Variants in COL11A1 observed in about 807,000 individuals in gnomAD.
The protein encoded by COL11A1 is collagen type XI alpha 1 chain.
Under a neutral mutation model 265.2 loss-of-function variants are expected in COL11A1, and 74 were observed. The ratio of observed to expected loss-of-function variants is 0.28; its 90% CI spans 0.23 to 0.34. The LOEUF (loss-of-function observed/expected upper bound fraction) is 0.34, where lower values mean the gene tolerates loss of function less well. COL11A1 is among the 10% of genes least tolerant of loss of function. The probability of loss-of-function intolerance (pLI) is 1.00; values close to 1 mark genes in which losing one functional copy is unlikely to be tolerated. For missense variants in COL11A1, 2,165 were observed against 2,263.6 expected, an observed-to-expected ratio of 0.96 and a Z score of 0.88; for synonymous variants, 816 against 727.6, an observed-to-expected ratio of 1.12 and a Z score of -1.96.
intron 1 of COL11A1, among the ~76,000 whole-genome samples, chr1:103,099,038 C>T (rs1301756321): frequency 6.6e-6 from 1 of 151,726 alleles, no homozygotes; most frequent in African/African-American, 2.4e-5. Flanking sequence ...AAGTCATTAG[C>T]AATGTCAACA....
chr1:103,023,576 C>A (rs12728819), intron 7 of COL11A1, among the ~76,000 whole-genome samples: 12,014 of 151,924 alleles, frequency 0.079, 529 homozygotes, highest in Middle Eastern at 0.15. Context: ...AGGCTGGTCT[C>A]GAACTCCCGA....
chr1:102,927,128 T>A lies in COL11A1; in HGVS notation c.3601-3739A>T, dbSNP rs527412797. Among the ~76,000 whole-genome samples the A allele has an allele frequency of 1.1e-3, 161 of 152,220 alleles. 1 individual carries two copies. In the Middle Eastern group the frequency reaches 0.014, roughly 13 times the overall value. On this transcript the variant is annotated intron_variant, in intron 46 of 66. Coordinates refer to ENST00000370096, the MANE Select transcript of COL11A1 (RefSeq NM_001854.4). ...TAATATCAACACAGTAATTTTATAA[T>A]CATATTTATAAAAATAAAGATACAA...
chr1:102,994,692 TTATGC>T (rs952748623), intron 28 of COL11A1, among the ~76,000 whole-genome samples: 5 of 152,112 alleles, frequency 3.3e-5, no homozygotes, highest in Admixed American at 6.6e-5. Flanking sequence ...CTACCAATAT[TTATGC>T]TATGCAACTA....
chr1:102,902,827 CATAT>C (rs538504752), intron 54 of COL11A1, among the ~76,000 whole-genome samples: 2 of 148,504 alleles, frequency 1.3e-5, no homozygotes, highest in South Asian at 2.1e-4. Flanking sequence ...TATGTGTGTG[CATAT>C]ATATATATAC....
chr1:102,982,318 A>G (rs1663116379), intron 31 of COL11A1, among the ~76,000 whole-genome samples: 1 of 152,060 alleles, frequency 6.6e-6, no homozygotes, highest in African/African-American at 2.4e-5. Flanking sequence ...AAATAAATTC[A>G]TAAAATAAAA....
At chr1:102,902,429 C>G (rs1329097718) in intron 54 of COL11A1, among the ~76,000 whole-genome samples, 2 of 152,000 alleles carry the variant, frequency 1.3e-5, no homozygotes, top group South Asian at 2.1e-4. Flanking sequence ...GTTAAATGAA[C>G]AAGAATTTTT....
At chr1:103,078,624 C>T (rs1224773414) in intron 3 of COL11A1, 34 bp downstream of exon 3, 2 of 1,577,026 alleles carry the variant, frequency 1.3e-6, no homozygotes, top group South Asian at 1.1e-5. Flanking sequence ...ATGATTTTGG[C>T]ATAGCTAAAA....
chr1:102,988,765 A>T (rs928394388), intron 29 of COL11A1, among the ~76,000 whole-genome samples: 2 of 152,110 alleles, frequency 1.3e-5, no homozygotes, highest in African/African-American at 2.4e-5. Flanking sequence ...AATAATAAAG[A>T]TTGTTCAGCA....
chr1:102,927,753 C>T (rs976964960), intron 46 of COL11A1, among the ~76,000 whole-genome samples: 2 of 152,094 alleles, frequency 1.3e-5, no homozygotes, highest in African/African-American at 2.4e-5. Flanking sequence ...TAGTGTTCTA[C>T]AATTTAATAT....
intron 4 of COL11A1, among the ~76,000 whole-genome samples, chr1:103,052,831 G>A (rs779631361): frequency 2.0e-5 from 3 of 152,100 alleles, no homozygotes; most frequent in African/African-American, 4.8e-5. Context: ...TCCTGGAATG[G>A]TAAAGTAATG....
At chr1:102,902,548 T>C (rs1412192688) in intron 54 of COL11A1, among the ~76,000 whole-genome samples, 1 of 152,002 alleles carries the variant, frequency 6.6e-6, no homozygotes, top group Non-Finnish European at 1.5e-5. Context: ...TTAGAACCTT[T>C]AATACTCTTC....
intron 41 of COL11A1, among the ~76,000 whole-genome samples, chr1:102,958,823 T>G (rs1247165454): frequency 6.6e-6 from 1 of 152,148 alleles, no homozygotes; most frequent in Non-Finnish European, 1.5e-5. Flanking sequence ...TTTTAAAAGT[T>G]TTTGTGTGTG....
At chr1:102,979,257 G>GGGCA in intron 32 of COL11A1, 125 bp downstream of exon 32, 1 of 1,206,062 alleles carries the variant, frequency 8.3e-7, no homozygotes, top group Non-Finnish European at 1.2e-6. Flanking sequence ...AGGCTGGCCT[G>GGGCA]GAACTCCGGG....
intron 9 of COL11A1, among the ~76,000 whole-genome samples, chr1:103,019,848 T>C (rs1666868595): frequency 6.6e-6 from 1 of 150,756 alleles, no homozygotes; most frequent in African/African-American, 2.4e-5. Context: ...GTTTGGTTTT[T>C]TGTTCTTGTG....
At chr1:102,950,235 AT>A (rs1570834697) in intron 41 of COL11A1, among the ~76,000 whole-genome samples, 1 of 152,292 alleles carries the variant, frequency 6.6e-6, no homozygotes, top group East Asian at 1.9e-4. Context: ...GTGAGCTGTG[AT>A]TATACTGCTG....
chr1:102,898,557 T>G, intron 56 of COL11A1, 109 bp downstream of exon 56: 1 of 763,832 alleles, frequency 1.3e-6, no homozygotes, highest in Non-Finnish European at 2.2e-6. Flanking sequence ...CACAAAATTA[T>G]CCACGTTATA....
rs1664872415 is a variant in COL11A1, at chr1:102,998,899, A to T, written c.2143-536T>A. Among the ~76,000 whole-genome samples the T allele has an allele frequency of 2.0e-5, 3 of 151,924 alleles. No homozygotes were observed. In the South Asian group the frequency reaches 6.2e-4, roughly 31 times the overall value. ...AAAGAACATATCCTAATAGGTACCC[A>T]ATAAGATAATAATAAAGTAATAATT... On this transcript the variant is annotated intron_variant, in intron 24 of 66. Transcript: ENST00000370096.
chr1:103,017,918 T>G, intron 10 of COL11A1, 36 bp from the exon 11 acceptor site: 6 of 1,449,258 alleles, frequency 4.1e-6, no homozygotes, highest in Non-Finnish European at 5.8e-6. Flanking sequence ...ATCAGATTCC[T>G]AATCTCATTA....
intron 41 of COL11A1, among the ~76,000 whole-genome samples, chr1:102,957,504 C>T (rs1660491144): frequency 6.6e-6 from 1 of 152,004 alleles, no homozygotes; most frequent in Non-Finnish European, 1.5e-5. Flanking sequence ...TTATGAATTG[C>T]ATTATAGGTG....
Sources: allele counts gnomAD v4.1 joint callset (sites outside exome capture counted in the v4.1 genomes callset), GRCh38; gene constraint gnomAD v4.1.1; transcripts MANE v1.5; gene names NCBI Gene and HGNC (gene_info 2026-07-23, HGNC 2026-07-21).